Variants in LMBRD1 observed in about 807,000 individuals in gnomAD.
LMBRD1 encodes lysosomal cobalamin transport escort protein LMBD1.
A neutral mutation model predicts 74.8 loss-of-function variants in LMBRD1; 64 were observed. That is an observed-to-expected ratio of 0.86 (90% CI 0.70 to 1.05). The LOEUF is 1.05. LMBRD1 is among the 50% of genes least tolerant of loss of function. The pLI, the probability that LMBRD1 is intolerant of heterozygous loss-of-function variation, is 0.00. For missense variants in LMBRD1, 652 were observed against 645.9 expected, an observed-to-expected ratio of 1.01 and a Z score of -0.10; for synonymous variants, 204 against 216.3, an observed-to-expected ratio of 0.94 and a Z score of 0.50.
intron 14 of LMBRD1, among the ~76,000 whole-genome samples, chr6:69,686,094 T>C (rs1412079492): frequency 1.3e-5 from 2 of 152,184 alleles, no homozygotes; most frequent in African/African-American, 4.8e-5. Flanking sequence ...AAGAATGTGG[T>C]AGTATAAGAA....
chr6:69,677,329 A>G (rs1461185273), intron 14 of LMBRD1, among the ~76,000 whole-genome samples: 2 of 152,172 alleles, frequency 1.3e-5, no homozygotes, highest in Non-Finnish European at 2.9e-5. Context: ...CTTATGACCT[A>G]CTATTAGACA....
chr6:69,747,620 G>A (rs997371536), intron 5 of LMBRD1, among the ~76,000 whole-genome samples: 3 of 152,070 alleles, frequency 2.0e-5, no homozygotes, highest in Non-Finnish European at 4.4e-5. Context: ...ATCAACATCT[G>A]GTATGTATCT....
intron 14 of LMBRD1, among the ~76,000 whole-genome samples, chr6:69,678,182 C>T (rs1194401502): frequency 2.6e-5 from 4 of 152,028 alleles, no homozygotes; most frequent in Non-Finnish European, 5.9e-5. Context: ...ATACTATGAT[C>T]TTACAATAAA....
At chr6:69,755,752 A>C (rs1765254118) in intron 3 of LMBRD1, among the ~76,000 whole-genome samples, 1 of 152,206 alleles carries the variant, frequency 6.6e-6, no homozygotes, top group African/African-American at 2.4e-5. Flanking sequence ...TTAGCACAAC[A>C]GACTTGAGTA....
At chr6:69,780,469 G>A in intron 3 of LMBRD1, 25 bp downstream of exon 3, 1 of 1,569,114 alleles carries the variant, frequency 6.4e-7, no homozygotes, top group African/African-American at 1.3e-5. Context: ...AGTCCAAATA[G>A]GGAAAGAAAC....
intron 1 of LMBRD1, among the ~76,000 whole-genome samples, chr6:69,795,559 T>G (rs1369124910): frequency 6.6e-6 from 1 of 152,250 alleles, no homozygotes. Context: ...ATACATTACA[T>G]GCTTATTTAT....
chr6:69,713,639 A>C lies in LMBRD1; in HGVS notation c.915+6T>G. 6.2e-7 allele frequency: 1 copy of C among 1,613,090 alleles called. No individual in the cohort carries two copies. Among genetic ancestry groups the C allele is most frequent in the South Asian group, 1.1e-5 (1 of 91,050 alleles). On this transcript the variant is annotated splice_donor_region_variant and intron_variant, in intron 9 of 15. Coordinates refer to ENST00000649934, the MANE Select transcript of LMBRD1 (RefSeq NM_018368.4). ...TGACAGCATAATTTTTAAAAACTTC[A>C]TTTACCTTCAGGGGACGCAGAGCGC...
chr6:69,706,021 A>G (rs1201420238), intron 9 of LMBRD1: 2 of 765,248 alleles, frequency 2.6e-6, no homozygotes, highest in Non-Finnish European at 4.7e-6. Flanking sequence ...CCCTAAACTG[A>G]CCGTTCTTAA....
In LMBRD1 at chr6:69,695,914, G is replaced by A. The variant is rs144700042; in HGVS notation, c.1417+1649C>T. 7.0e-3 allele frequency among the ~76,000 whole-genome samples: 1,052 copies of A among 149,568 alleles called. 22 individuals are homozygous for A. In the East Asian group the frequency reaches 0.079, roughly 11 times the overall value. On this transcript the variant is annotated intron_variant, in intron 14 of 15. Transcript: ENST00000649934. Reference sequence around the variant, plus strand: ...GTCAGAGTGCAGTGGCACGATCTCAGCTCACTGCAACTTCCACCTCCCAGG... The same window carrying A: ...GTCAGAGTGCAGTGGCACGATCTCAACTCACTGCAACTTCCACCTCCCAGG...
chr6:69,711,921 T>C (rs1766392022), intron 9 of LMBRD1, among the ~76,000 whole-genome samples: 1 of 152,116 alleles, frequency 6.6e-6, no homozygotes, highest in Non-Finnish European at 1.5e-5. Flanking sequence ...TTGTACAGAT[T>C]ATTTCATCAC....
intron 7 of LMBRD1, among the ~76,000 whole-genome samples, chr6:69,731,431 G>C (rs1287503942): frequency 6.6e-6 from 1 of 152,034 alleles, no homozygotes; most frequent in Admixed American, 6.6e-5. Context: ...TGGAAAATGT[G>C]TATACCTATT....
chr6:69,779,377 T>G (rs954071656), intron 3 of LMBRD1, among the ~76,000 whole-genome samples: 1 of 152,154 alleles, frequency 6.6e-6, no homozygotes, highest in Non-Finnish European at 1.5e-5. Context: ...AGTTTCATGT[T>G]TATTCAAAGA....
At chr6:69,789,003 T>C (rs1766021496) in intron 2 of LMBRD1, among the ~76,000 whole-genome samples, 1 of 152,236 alleles carries the variant, frequency 6.6e-6, no homozygotes, top group African/African-American at 2.4e-5. Flanking sequence ...AGGAAGTTAC[T>C]AAATGTAAAT....
chr6:69,731,805 A>G (rs189536665), intron 7 of LMBRD1, among the ~76,000 whole-genome samples: 1 of 152,178 alleles, frequency 6.6e-6, no homozygotes, highest in East Asian at 1.9e-4. Flanking sequence ...CTCCACTGTA[A>G]GTCAAAAACC....
intron 7 of LMBRD1, among the ~76,000 whole-genome samples, chr6:69,728,113 T>G (rs979362214): frequency 1.3e-5 from 2 of 152,150 alleles, no homozygotes; most frequent in East Asian, 3.9e-4. Context: ...AGGAAACTTA[T>G]AATTGTCGCA....
intron 3 of LMBRD1, among the ~76,000 whole-genome samples, chr6:69,766,282 T>C (rs1426952063): frequency 1.3e-5 from 2 of 151,994 alleles, no homozygotes; most frequent in East Asian, 1.9e-4. Context: ...CACCACTAAG[T>C]ATAATGTAGC....
intron 9 of LMBRD1, chr6:69,705,243 G>A: frequency 1.5e-6 from 1 of 678,268 alleles, no homozygotes; most frequent in Non-Finnish European, 2.7e-6. Context: ...CTACAGAAAT[G>A]AAGTAAGACA....
chr6:69,737,607 A>G, intron 7 of LMBRD1, among the ~76,000 whole-genome samples: 1 of 150,078 alleles, frequency 6.7e-6, no homozygotes, highest in Middle Eastern at 3.5e-3. Flanking sequence ...TAAATCTATT[A>G]ATATGCTTAT....
In LMBRD1 at chr6:69,777,323, T is replaced by C. The variant is rs1250793543; in HGVS notation, c.307+3171A>G. On this transcript the variant is annotated intron_variant, in intron 3 of 15. Transcript: ENST00000649934. ...AAAAAATTATCCGGGCGTGATGACA[T>C]GTGCCTATAATCCCAGCTACTAGGG... Among the ~76,000 whole-genome samples, 3 of 151,288 alleles carry C rather than the reference T, an allele frequency of 2.0e-5. No individual in the cohort carries two copies. In the East Asian group the frequency reaches 5.9e-4, roughly 30 times the overall value.
Sources: gnomAD v4.1 joint callset for allele counts (sites outside exome capture counted in the v4.1 genomes callset) on GRCh38, gnomAD v4.1.1 for gene constraint, MANE v1.5 for transcripts, NCBI Gene and HGNC (gene_info 2026-07-23, HGNC 2026-07-21) for gene names.